Variants in CFAP20DC observed in about 807,000 individuals in gnomAD.
The protein encoded by CFAP20DC is CFAP20 domain containing.
CFAP20DC carries 84 observed loss-of-function variants against 101.7 expected under a neutral mutation model. The observed-to-expected ratio is 0.83, with a 90% CI of 0.69 to 0.99. CFAP20DC has a LOEUF of 0.99. Ranked by LOEUF, CFAP20DC falls within the 50% of genes least tolerant of loss-of-function variation. The probability of loss-of-function intolerance (pLI) is 0.00; values close to 1 mark genes in which losing one functional copy is unlikely to be tolerated. For synonymous variants in CFAP20DC, 359 were observed against 351.2 expected (o/e 1.02, Z -0.25); for missense variants, 1,007 against 970.3 (o/e 1.04, Z -0.50).
At position 58,799,721 on chromosome 3, in the gene CFAP20DC, CTGTGTGTGTGTCTGTGTGTG is replaced by C. The variant is rs1268350415; in HGVS notation, c.2237+6654_2237+6673del. Among the ~76,000 whole-genome samples the C allele has an allele frequency of 3.0e-5, 4 of 134,660 alleles. No individual in the cohort carries two copies. The highest frequency in any genetic ancestry group is 9.1e-5 in the African/African-American group (3 of 33,112). The allele number at this position is 134,660 out of a possible 152,430, so 88.3% of individuals were successfully genotyped here. ...TCGAGAAGGAGCAGTGTGTGTGTGT[CTGTGTGTGTGTCTGTGTGTG>C]TGTGTGTGTGTGTGTGTGTGTGTGT... On this transcript the variant is annotated intron_variant, in intron 15 of 16. Coordinates refer to ENST00000482387, the MANE Select transcript of CFAP20DC (RefSeq NM_001394063.1). This position sits in a 1 kb window ranked among gnomAD's most constrained non-coding sequence, Gnocchi z 4.9.
intron 4 of CFAP20DC, among the ~76,000 whole-genome samples, chr3:58,954,413 A>G (rs1461860614): frequency 6.6e-6 from 1 of 152,158 alleles, no homozygotes; most frequent in South Asian, 2.1e-4. Context: ...TTTAAGCCAA[A>G]ATGGTTTTTA....
chr3:58,758,867 T>G (rs978175399), intron 15 of CFAP20DC, among the ~76,000 whole-genome samples: 6 of 152,142 alleles, frequency 3.9e-5, no homozygotes, highest in African/African-American at 1.4e-4. Flanking sequence ...GGACAAGAAC[T>G]CATCCTTTTT....
chr3:58,847,433 C>G (rs1317464307), intron 13 of CFAP20DC, among the ~76,000 whole-genome samples: 1 of 150,546 alleles, frequency 6.6e-6, no homozygotes, highest in Non-Finnish European at 1.5e-5. Flanking sequence ...CCATCACTGG[C>G]CATCAGAGAA....
chr3:59,045,989 C>A lies in CFAP20DC; in HGVS notation c.205+240G>T, dbSNP rs558359473. On this transcript the variant is annotated intron_variant, in intron 3 of 16. Coordinates refer to ENST00000482387, the MANE Select transcript of CFAP20DC (RefSeq NM_001394063.1). ...TCATAATTAATGGCTGCCAAATACT[C>A]TTCTAAATCTTCTTTAAGATACTAC... Among the ~76,000 whole-genome samples, 18 of 152,106 alleles carry A rather than the reference C, an allele frequency of 1.2e-4. 1 individual carries two copies. The South Asian group carries it at 3.7e-3, about 32-fold the overall frequency.
At position 58,866,367 on chromosome 3, in the gene CFAP20DC, A is replaced by G. The variant is rs1396824418; in HGVS notation, c.1258+199T>C. 2.0e-5 allele frequency among the ~76,000 whole-genome samples: 3 copies of G among 152,356 alleles called. No individual in the cohort carries two copies. The Middle Eastern group carries it at 0.01, about 518-fold the overall frequency. On this transcript the variant is annotated intron_variant, in intron 11 of 16. Coordinates refer to ENST00000482387, the MANE Select transcript of CFAP20DC (RefSeq NM_001394063.1). ...TTCTGAACAGGATGACCAGTGCATT[A>G]AAACTTGAAAATAAAAAAATACTCT...
At chr3:59,034,959 G>C (rs1167265259) in intron 4 of CFAP20DC, among the ~76,000 whole-genome samples, 1 of 152,102 alleles carries the variant, frequency 6.6e-6, no homozygotes, top group Non-Finnish European at 1.5e-5. Flanking sequence ...ACATTCCTCA[G>C]CAAATGCAAA....
At position 58,939,346 on chromosome 3, in the gene CFAP20DC, A is replaced by G. The variant is rs149093305; in HGVS notation, c.279-1584T>C. ...AAGGAAAGACTACTGGGATTCTAGA[A>G]AGGAAAAGGGAACAAAAAGAGGGAC... On this transcript the variant is annotated intron_variant, in intron 4 of 16. Transcript: ENST00000482387. Among the ~76,000 whole-genome samples, 311 of 152,334 alleles carry G rather than the reference A, an allele frequency of 2.0e-3. 7 individuals carry two copies. In the East Asian group the frequency reaches 0.055, roughly 27 times the overall value.
At chr3:58,777,236 C>T (rs1037356459) in intron 15 of CFAP20DC, among the ~76,000 whole-genome samples, 1 of 152,162 alleles carries the variant, frequency 6.6e-6, no homozygotes, top group Non-Finnish European at 1.5e-5. Flanking sequence ...CTACCTATGA[C>T]CTGGAAGCCC....
chr3:58,897,193 GGA>G lies in CFAP20DC; in HGVS notation c.551-12486_551-12485del, dbSNP rs1371711484. On this transcript the variant is annotated intron_variant, in intron 6 of 16. Coordinates refer to ENST00000482387, the MANE Select transcript of CFAP20DC (RefSeq NM_001394063.1). This position sits in a 1 kb window ranked among gnomAD's most constrained non-coding sequence, Gnocchi z 4.4. Reference sequence around the variant, plus strand: ...TTTAAAGTCTATTTGTCAGAAACTAGGATTGCAACCCCTGCTTTTTTCTGTTT... The same window carrying G: ...TTTAAAGTCTATTTGTCAGAAACTAGTTGCAACCCCTGCTTTTTTCTGTTT... Among the ~76,000 whole-genome samples the G allele has an allele frequency of 1.3e-5, 2 of 152,104 alleles. No individual in the cohort carries two copies. The highest frequency in any genetic ancestry group is 2.9e-5 in the Non-Finnish European group (2 of 68,020).
chr3:58,845,365 T>G (rs921331907), intron 13 of CFAP20DC, among the ~76,000 whole-genome samples: 2 of 151,946 alleles, frequency 1.3e-5, no homozygotes, highest in African/African-American at 2.4e-5. Flanking sequence ...CAAACTACCA[T>G]CAGGGAATAC....
chr3:58,930,917 C>T (rs932757421), intron 5 of CFAP20DC, among the ~76,000 whole-genome samples: 3 of 152,136 alleles, frequency 2.0e-5, no homozygotes, highest in Admixed American at 6.5e-5. Flanking sequence ...AGACAGTGGG[C>T]GCAGGACAGT....
At chr3:58,862,330 G>T in intron 12 of CFAP20DC, 5 of 985,422 alleles carry the variant, frequency 5.1e-6, no homozygotes, top group Non-Finnish European at 6.0e-6. Flanking sequence ...ATTAGGTGCT[G>T]AAGACAAATG....
intron 4 of CFAP20DC, among the ~76,000 whole-genome samples, chr3:59,038,105 A>G (rs1378282730): frequency 2.0e-5 from 3 of 152,150 alleles, no homozygotes; most frequent in South Asian, 2.1e-4. Flanking sequence ...GGAGGGGAAC[A>G]TCACACACCA....
At chr3:58,989,033 C>T (rs1217907438) in intron 4 of CFAP20DC, among the ~76,000 whole-genome samples, 1 of 152,030 alleles carries the variant, frequency 6.6e-6, no homozygotes, top group Admixed American at 6.6e-5. Flanking sequence ...TTAAACAATA[C>T]TAAATGTAAA....
chr3:58,918,081 AC>A (rs1297373791), intron 5 of CFAP20DC, among the ~76,000 whole-genome samples: 1 of 152,186 alleles, frequency 6.6e-6, no homozygotes, highest in Non-Finnish European at 1.5e-5. Flanking sequence ...TACGAAAAGT[AC>A]TTACATTCTC....
intron 4 of CFAP20DC, among the ~76,000 whole-genome samples, chr3:59,016,057 T>A (rs2093682354): frequency 6.6e-6 from 1 of 152,074 alleles, no homozygotes; most frequent in African/African-American, 2.4e-5. Flanking sequence ...TTCAAGTGTA[T>A]CAGAATCACC....
chr3:58,863,879 A>T lies in CFAP20DC; in HGVS notation c.1272T>A (p.Phe424Leu). The T allele has an allele frequency of 6.2e-7, 1 of 1,610,926 alleles. No individual in the cohort carries two copies. The highest frequency in any genetic ancestry group is 8.5e-7 in the Non-Finnish European group (1 of 1,177,892). Residue 424 changes from phenylalanine to leucine, a missense_variant, in exon 12 of 17, where the codon TTT becomes TTA. By Grantham distance (22) the Phe-to-Leu change is conservative. Coordinates refer to ENST00000482387, the MANE Select transcript of CFAP20DC (RefSeq NM_001394063.1). The surrounding 1 kb of genome is among the most constrained non-coding windows in gnomAD (Gnocchi z 5.9). Reference sequence around the variant, plus strand: ...ATGAAATGTGATCAGCATTTTCAGGAAAAATCCACTCATCTGACAGTTGGA... The same window carrying T: ...ATGAAATGTGATCAGCATTTTCAGGTAAAATCCACTCATCTGACAGTTGGA... Reference protein sequence around the residue: ...QSPDQSDEWIFPENADHISYL... With the variant: ...QSPDQSDEWILPENADHISYL...
intron 16 of CFAP20DC, among the ~76,000 whole-genome samples, chr3:58,743,467 G>C (rs1390315429): frequency 6.6e-6 from 1 of 152,086 alleles, no homozygotes; most frequent in Non-Finnish European, 1.5e-5. Flanking sequence ...GGTAGAAAGA[G>C]GTAATAAGAA....
At chr3:58,827,465 C>T (rs751145835) in intron 14 of CFAP20DC, among the ~76,000 whole-genome samples, 58 of 151,912 alleles carry the variant, frequency 3.8e-4, no homozygotes, top group Non-Finnish European at 8.2e-4. Context: ...ATTTCAAGTG[C>T]TACGCAAGCT....
Sources: allele counts gnomAD v4.1 joint callset (sites outside exome capture counted in the v4.1 genomes callset), GRCh38; gene constraint gnomAD v4.1.1; non-coding constraint Gnocchi (gnomAD v3.1); transcripts MANE v1.5; gene names NCBI Gene and HGNC (gene_info 2026-07-23, HGNC 2026-07-21).